TMEM132D: variants seen among roughly 807,000 people sequenced by gnomAD.
The protein encoded by TMEM132D is mature OL transmembrane protein.
A neutral mutation model predicts 62.3 loss-of-function variants in TMEM132D; 21 were observed. That is an observed-to-expected ratio of 0.34 (90% CI 0.24 to 0.49). The LOEUF (loss-of-function observed/expected upper bound fraction) is 0.49, where lower values mean the gene tolerates loss of function less well. Ranked by LOEUF, TMEM132D falls within the 20% of genes least tolerant of loss-of-function variation. The probability of loss-of-function intolerance (pLI) is 0.99; values close to 1 mark genes in which losing one functional copy is unlikely to be tolerated. For missense variants in TMEM132D, 1,346 were observed against 1,402.8 expected, an observed-to-expected ratio of 0.96 and a Z score of 0.65; for synonymous variants, 621 against 575.6, an observed-to-expected ratio of 1.08 and a Z score of -1.13.
At chr12:129,079,717 G>A (rs893877516) in intron 7 of TMEM132D, among the ~76,000 whole-genome samples, 1 of 152,122 alleles carries the variant, frequency 6.6e-6, no homozygotes. Flanking sequence ...ACTTCTACCC[G>A]AATGCCACCT....
chr12:129,326,662 C>T (rs1868922622), intron 4 of TMEM132D, among the ~76,000 whole-genome samples: 1 of 152,180 alleles, frequency 6.6e-6, no homozygotes, highest in African/African-American at 2.4e-5. Flanking sequence ...GTACCTGTCC[C>T]TTCACAGAAA....
chr12:129,094,826 T>C lies in TMEM132D; in HGVS notation c.1444-10124A>G, dbSNP rs183617656. 6.2e-3 allele frequency among the ~76,000 whole-genome samples: 945 copies of C among 152,206 alleles called. 7 individuals carry two copies. The highest frequency in any genetic ancestry group is 0.022 in the African/African-American group (903 of 41,498). Reference sequence around the variant, plus strand: ...GACTGGATTAAGAAAATGTGGCACATATACACCATGGAATACTATGCAGCC... The same window carrying C: ...GACTGGATTAAGAAAATGTGGCACACATACACCATGGAATACTATGCAGCC... On this transcript the variant is annotated intron_variant, in intron 5 of 8. Coordinates refer to ENST00000422113, the MANE Select transcript of TMEM132D (RefSeq NM_133448.3).
At chr12:129,209,727 T>C in intron 4 of TMEM132D, 64 bp from the exon 5 acceptor site, 1 of 1,590,562 alleles carries the variant, frequency 6.3e-7, no homozygotes, top group Non-Finnish European at 8.6e-7. Context: ...CCTGGGAGTA[T>C]GCCGCCTGCC....
intron 3 of TMEM132D, among the ~76,000 whole-genome samples, chr12:129,455,845 C>T (rs537067054): frequency 2.6e-5 from 4 of 152,150 alleles, no homozygotes; most frequent in Non-Finnish European, 5.9e-5. Flanking sequence ...TAAACTGTGT[C>T]CTCTGGGGAG....
At position 129,700,200 on chromosome 12, in the gene TMEM132D, A is replaced by G; in HGVS notation, c.578T>C (p.Val193Ala). 1 of 1,612,770 alleles carries G rather than the reference A, an allele frequency of 6.2e-7. No homozygotes were observed. Among genetic ancestry groups the G allele is most frequent in the Non-Finnish European group, 8.5e-7 (1 of 1,179,936 alleles). Residue 193 changes from valine to alanine, a missense_variant, in exon 2 of 9, where the codon GTG becomes GCG. Transcript: ENST00000422113. ...CRLQGDLGLCVAELELLSSWF... is the reference protein window; with the variant it reads ...CRLQGDLGLCAAELELLSSWF... Reference sequence around the variant, plus strand: ...GCTGGACAGGAGCTCCAGCTCGGCCACGCACAGCCCCAGGTCCCCCTGCAG... The same window carrying G: ...GCTGGACAGGAGCTCCAGCTCGGCCGCGCACAGCCCCAGGTCCCCCTGCAG...
chr12:129,309,644 T>G (rs912311602), intron 4 of TMEM132D, among the ~76,000 whole-genome samples: 2 of 152,098 alleles, frequency 1.3e-5, no homozygotes, highest in Non-Finnish European at 2.9e-5. Flanking sequence ...GATCTTCTTT[T>G]CCATTGTTGC....
At chr12:129,259,922 C>T (rs1174079483) in intron 4 of TMEM132D, among the ~76,000 whole-genome samples, 2 of 151,878 alleles carry the variant, frequency 1.3e-5, no homozygotes, top group African/African-American at 2.4e-5. Context: ...AGGGAAAGAG[C>T]CAAATTGGGA....
intron 5 of TMEM132D, among the ~76,000 whole-genome samples, chr12:129,179,340 T>C (rs1349646165): frequency 6.6e-6 from 1 of 152,040 alleles, no homozygotes; most frequent in Non-Finnish European, 1.5e-5. Context: ...TTTTTGTTTT[T>C]TGTTTTTTTT....
chr12:129,606,341 T>C (rs1353805265), intron 2 of TMEM132D, among the ~76,000 whole-genome samples: 4 of 152,122 alleles, frequency 2.6e-5, no homozygotes. Context: ...TGACAAAAGA[T>C]ACATGAGGGG....
rs191408307 is a variant in TMEM132D at position 129,563,876 on chromosome 12, C to T, written c.969-32671G>A. Among the ~76,000 whole-genome samples the T allele has an allele frequency of 2.4e-3, 370 of 152,210 alleles. 3 individuals carry two copies. The highest frequency in any genetic ancestry group is 4.5e-3 in the Non-Finnish European group (303 of 68,000). ...AGACCAATCAGGATGGCCATGAATG[C>T]TGACATGGCGGTACTGCATTGTGCC... On this transcript the variant is annotated intron_variant, in intron 2 of 8. Coordinates refer to ENST00000422113, the MANE Select transcript of TMEM132D (RefSeq NM_133448.3).
intron 4 of TMEM132D, among the ~76,000 whole-genome samples, chr12:129,245,409 G>C (rs1344698072): frequency 1.3e-5 from 2 of 152,084 alleles, no homozygotes; most frequent in African/African-American, 4.8e-5. Flanking sequence ...TTTTAGTGCT[G>C]AATATTATTC....
At chr12:129,088,191 G>GTGTCCTCCCTGACCGGGA (rs1171869097) in intron 5 of TMEM132D, among the ~76,000 whole-genome samples, 390 of 19,038 alleles carry the variant, frequency 0.02, 119 homozygotes, top group Middle Eastern at 0.12. Flanking sequence ...CCTGACCGGG[G>GTGTCCTCCCTGACCGGGA]TGTCCTCCAT....
chr12:129,260,346 T>C (rs1425495256), intron 4 of TMEM132D, among the ~76,000 whole-genome samples: 1 of 152,054 alleles, frequency 6.6e-6, no homozygotes. Flanking sequence ...CTGGACAGCA[T>C]TGGTGGCCAT....
chr12:129,247,633 G>A (rs1880156306), intron 4 of TMEM132D, among the ~76,000 whole-genome samples: 1 of 152,322 alleles, frequency 6.6e-6, no homozygotes. Context: ...TGGAACAAAC[G>A]AGAGACACAG....
chr12:129,247,426 G>A (rs141295918), intron 4 of TMEM132D, among the ~76,000 whole-genome samples: 4 of 152,270 alleles, frequency 2.6e-5, no homozygotes, highest in African/African-American at 9.6e-5. Flanking sequence ...TCTATCTACC[G>A]TGGGAAATGG....
At chr12:129,248,067 C>T (rs1880170313) in intron 4 of TMEM132D, among the ~76,000 whole-genome samples, 2 of 152,154 alleles carry the variant, frequency 1.3e-5, no homozygotes, top group Admixed American at 1.3e-4. Flanking sequence ...TTAACTAAGT[C>T]TTCTACAAAG....
chr12:129,158,871 C>T (rs1180783152), intron 5 of TMEM132D, among the ~76,000 whole-genome samples: 1 of 152,156 alleles, frequency 6.6e-6, no homozygotes, highest in Non-Finnish European at 1.5e-5. Context: ...AACTTACAGT[C>T]ATGGCAGAAG....
intron 1 of TMEM132D, among the ~76,000 whole-genome samples, chr12:129,851,038 T>G (rs1341938014): frequency 6.6e-6 from 1 of 152,174 alleles, no homozygotes; most frequent in African/African-American, 2.4e-5. Flanking sequence ...AGGTCAATAT[T>G]TACTTCAAAA....
At chr12:129,262,679 T>C (rs949271332) in intron 4 of TMEM132D, 1 of 152,226 alleles carries the variant, frequency 6.6e-6, no homozygotes, top group African/African-American at 2.4e-5. Context: ...CCAAGTAAGA[T>C]GAGACTGTCT....
Sources: gnomAD v4.1 joint callset for allele counts (sites outside exome capture counted in the v4.1 genomes callset) on GRCh38, gnomAD v4.1.1 for gene constraint, MANE v1.5 for transcripts, NCBI Gene and HGNC (gene_info 2026-07-23, HGNC 2026-07-21) for gene names.